SLC37A2: variants seen among roughly 807,000 people sequenced by gnomAD.
The protein encoded by SLC37A2 is glucose-6-phosphate exchanger SLC37A2.
Under a neutral mutation model 70.7 loss-of-function variants are expected in SLC37A2, and 59 were observed. That is an observed-to-expected ratio of 0.83 (90% CI 0.68 to 1.04). The LOEUF is 1.04. Ranked by LOEUF, SLC37A2 falls within the 50% of genes least tolerant of loss-of-function variation. SLC37A2 has a pLI of 0.00. For synonymous variants in SLC37A2, 257 were observed against 262.1 expected, an observed-to-expected ratio of 0.98 and a Z score of 0.19; for missense variants, 580 against 658.1, an observed-to-expected ratio of 0.88 and a Z score of 1.30.
At chr11:125,068,550 G>A (rs779430286) in intron 1 of SLC37A2, among the ~76,000 whole-genome samples, 2 of 152,182 alleles carry the variant, frequency 1.3e-5, no homozygotes, top group East Asian at 3.8e-4. Flanking sequence ...TACTTATTGA[G>A]TGCCAAAGGA....
chr11:125,081,537 T>A, intron 8 of SLC37A2, 79 bp downstream of exon 8: 1 of 1,507,990 alleles, frequency 6.6e-7, no homozygotes, highest in Non-Finnish European at 9.0e-7. Context: ...CCTGGGGAGC[T>A]AGAGCAGGGA....
In SLC37A2 at chr11:125,063,569, T is replaced by C; in HGVS notation, c.59+143T>C. On this transcript the variant is annotated intron_variant, in intron 1 of 17. Transcript: ENST00000403796. The surrounding 1 kb of genome is among the most constrained non-coding windows in gnomAD (Gnocchi z 5.4). ...GTGCTGGGGGGACTTGGTCCCGAGC[T>C]CCTCCAGCGGCGCCCGCCTCGGAGG... 1 of 729,800 alleles carries C rather than the reference T, an allele frequency of 1.4e-6. No individual in the cohort carries two copies. Among genetic ancestry groups the C allele is most frequent in the Non-Finnish European group, 2.1e-6 (1 of 470,502 alleles). The allele number at this position is 729,800 out of a possible 1,614,324, so 45.2% of individuals were successfully genotyped here.
chr11:125,072,373 G>A (rs73024305), intron 1 of SLC37A2, among the ~76,000 whole-genome samples: 2 of 152,252 alleles, frequency 1.3e-5, no homozygotes, highest in African/African-American at 2.4e-5. Flanking sequence ...TATCCGGTGG[G>A]GGGGAGGTGG....
chr11:125,071,061 A>T (rs2135561389), intron 1 of SLC37A2, among the ~76,000 whole-genome samples: 1 of 152,354 alleles, frequency 6.6e-6, no homozygotes, highest in African/African-American at 2.4e-5. Flanking sequence ...AATTGAGGAC[A>T]GACACCAGAG....
intron 1 of SLC37A2, among the ~76,000 whole-genome samples, chr11:125,070,181 T>A (rs1949016712): frequency 6.6e-6 from 1 of 152,164 alleles, no homozygotes; most frequent in South Asian, 2.1e-4. Context: ...TGAGCTCCTG[T>A]GGTGCCATTT....
rs1949161251 is a variant in SLC37A2, at chr11:125,082,456, C to A, written c.976+122C>A. On this transcript the variant is annotated intron_variant, in intron 10 of 17. Transcript: ENST00000403796. ...GTATATAGGCAGAATTCCTGCTGAA[C>A]CTCTCCTAGAGTGAAAGGAGCTTGA... is the stretch of plus-strand genomic sequence containing the variant. 3.5e-6 allele frequency: 3 copies of A among 849,060 alleles called. 1 individual carries two copies. In the East Asian group the frequency reaches 7.5e-5, roughly 21 times the overall value. The allele number at this position is 849,060 out of a possible 1,614,324, so 52.6% of individuals were successfully genotyped here. A position where few individuals can be genotyped will look rare whatever the true frequency, so the allele number is the denominator to read the frequency against.
chr11:125,085,044 GGCTGTCTCTAT>G lies in SLC37A2; in HGVS notation c.1175-15_1175-5del. On this transcript the variant is annotated splice_polypyrimidine_tract_variant and intron_variant, in intron 13 of 17. Coordinates refer to ENST00000403796, the MANE Select transcript of SLC37A2 (RefSeq NM_001145290.2). The stretch of plus-strand genomic sequence containing the variant: ...TGCGGGTGGTGCTGCTTCTCTGACT[GGCTGTCTCTAT>G]GCTGTCCCAGTGATGCTGATCATCT... 6.2e-7 allele frequency: 1 copy of G among 1,613,546 alleles called. No individual in the cohort carries two copies. Among genetic ancestry groups the G allele is most frequent in the African/African-American group, 1.3e-5 (1 of 75,036 alleles).
At chr11:125,068,007 T>C (rs1476083485) in intron 1 of SLC37A2, among the ~76,000 whole-genome samples, 1 of 152,198 alleles carries the variant, frequency 6.6e-6, no homozygotes, top group East Asian at 1.9e-4. Context: ...TCAGAGAGAA[T>C]GGGGAGTGGG....
At position 125,083,503 on chromosome 11, in the gene SLC37A2, C is replaced by CATTAAAAA; in HGVS notation, c.977-312_977-311insATTAAAAA. On this transcript the variant is annotated intron_variant, in intron 10 of 17. Transcript: ENST00000403796. This position sits in a 1 kb window ranked among gnomAD's most constrained non-coding sequence, Gnocchi z 4.6. ...GCTGGGCTGAGCTTCAGGTTGCGCTCCAGGGGAAAGGTGGCCACGGGACAG... is the reference window on the plus strand; with the variant it reads ...GCTGGGCTGAGCTTCAGGTTGCGCTCATTAAAAACAGGGGAAAGGTGGCCACGGGACAG... 1 of 319,358 alleles carries CATTAAAAA rather than the reference C, an allele frequency of 3.1e-6. No homozygotes were observed. Among genetic ancestry groups the CATTAAAAA allele is most frequent in the Non-Finnish European group, 5.9e-6 (1 of 169,274 alleles). The allele number at this position is 319,358 out of a possible 1,614,324, so 19.8% of individuals were successfully genotyped here. A position where few individuals can be genotyped will look rare whatever the true frequency, so the allele number is the denominator to read the frequency against.
Position 125,065,805 on chromosome 11 carries a change from G to A in SLC37A2, c.59+2379G>A, listed in dbSNP as rs533252550. Among the ~76,000 whole-genome samples, 5 of 152,266 alleles carry A rather than the reference G, an allele frequency of 3.3e-5. No individual in the cohort carries two copies. The East Asian group carries it at 9.6e-4, about 29-fold the overall frequency. ...GCAAATAACCATACTTCCATGAAAA[G>A]CAAGAAGATTCCATAAGAGTTTCTG... On this transcript the variant is annotated intron_variant, in intron 1 of 17. Coordinates refer to ENST00000403796, the MANE Select transcript of SLC37A2 (RefSeq NM_001145290.2).
At chr11:125,086,476 T>C (rs1042460432) in intron 17 of SLC37A2, 1 of 568,054 alleles carries the variant, frequency 1.8e-6, no homozygotes, top group Non-Finnish European at 3.2e-6. Context: ...TGAGGGACAG[T>C]GTGAGAACTT....
intron 1 of SLC37A2, among the ~76,000 whole-genome samples, chr11:125,073,341 T>C (rs1345313831): frequency 6.6e-6 from 1 of 152,232 alleles, no homozygotes; most frequent in Non-Finnish European, 1.5e-5. Flanking sequence ...GACCCAGCTA[T>C]GCACAGCGGG....
At chr11:125,078,982 TG>T in intron 4 of SLC37A2, 129 bp from the exon 5 acceptor site, 1 of 1,176,924 alleles carries the variant, frequency 8.5e-7, no homozygotes, top group Non-Finnish European at 1.2e-6. Flanking sequence ...CCCCGTCACA[TG>T]GCAACACAGA....
At position 125,077,612 on chromosome 11, in the gene SLC37A2, G is replaced by A. The variant is rs1427511414; in HGVS notation, c.314+84G>A. 18 of 1,080,996 alleles carry A rather than the reference G, an allele frequency of 1.7e-5. No individual in the cohort carries two copies. In the South Asian group the frequency reaches 2.3e-4, roughly 14 times the overall value. The allele number at this position is 1,080,996 out of a possible 1,614,324, so 67.0% of individuals were successfully genotyped here. On this transcript the variant is annotated intron_variant, in intron 4 of 17. Coordinates refer to ENST00000403796, the MANE Select transcript of SLC37A2 (RefSeq NM_001145290.2). ...CCTTAAGGAACCTGGGGGCAGCTGGGAATGAGCCCAGGGATGCTGCATGTA... is the reference window on the plus strand; with the variant it reads ...CCTTAAGGAACCTGGGGGCAGCTGGAAATGAGCCCAGGGATGCTGCATGTA...
intron 7 of SLC37A2, among the ~76,000 whole-genome samples, chr11:125,081,154 A>C (rs1055617252): frequency 3.3e-5 from 5 of 152,086 alleles, no homozygotes; most frequent in Non-Finnish European, 7.4e-5. Flanking sequence ...GCCAGGTATG[A>C]GAGCCACTCT....
At chr11:125,086,849 C>T (rs138607667) in intron 17 of SLC37A2, 54 of 164,262 alleles carry the variant, frequency 3.3e-4, no homozygotes, top group African/African-American at 1.1e-3. Context: ...ATGAGCTGGC[C>T]GGAGCTGTGG....
intron 1 of SLC37A2, among the ~76,000 whole-genome samples, chr11:125,064,967 A>G (rs542144982): frequency 1.4e-4 from 22 of 152,356 alleles, no homozygotes; most frequent in Middle Eastern, 3.4e-3. Flanking sequence ...TTTTACCACA[A>G]TTTTAAAAAG....
intron 10 of SLC37A2, among the ~76,000 whole-genome samples, chr11:125,082,718 C>A (rs1949163639): frequency 6.6e-6 from 1 of 152,082 alleles, no homozygotes; most frequent in African/African-American, 2.4e-5. Flanking sequence ...AGATCTCTCC[C>A]CCAGCCCAAG....
chr11:125,084,102 G>A (rs1591634256), intron 11 of SLC37A2, 132 bp from the exon 12 acceptor site: 2 of 1,008,226 alleles, frequency 2.0e-6, no homozygotes, highest in Non-Finnish European at 3.0e-6. Flanking sequence ...GAAGGGGAGG[G>A]CTGTGGAAAA....
Sources: gnomAD v4.1 joint callset for allele counts (sites outside exome capture counted in the v4.1 genomes callset) on GRCh38, gnomAD v4.1.1 for gene constraint, Gnocchi (gnomAD v3.1) non-coding constraint, MANE v1.5 for transcripts, NCBI Gene and HGNC (gene_info 2026-07-23, HGNC 2026-07-21) for gene names.